The following ADGRV1 variants were observed in gnomAD, a reference collection of about 807,000 sequenced individuals.
ADGRV1 encodes adhesion G protein-coupled receptor V1.
In ADGRV1, 359 loss-of-function variants were observed where a neutral mutation model predicts 596.2. The observed-to-expected ratio is 0.60, with a 90% CI of 0.55 to 0.66. The LOEUF is 0.66. ADGRV1 is among the 30% of genes least tolerant of loss of function. The pLI, the probability that ADGRV1 is intolerant of heterozygous loss-of-function variation, is 0.00. For missense variants in ADGRV1, 7,274 were observed against 7,575.6 expected (o/e 0.96, Z 1.48); for synonymous variants, 2,681 against 2,679.2 (o/e 1.00, Z -0.02).
chr5:90,946,196 A>G (rs1156369195), intron 83 of ADGRV1, among the ~76,000 whole-genome samples: 1 of 152,096 alleles, frequency 6.6e-6, no homozygotes, highest in Non-Finnish European at 1.5e-5. Flanking sequence ...TGGTTTGTTC[A>G]AGAAAATGAA....
At chr5:90,605,931 G>GA (rs35460647) in intron 1 of ADGRV1, among the ~76,000 whole-genome samples, 10,813 of 150,580 alleles carry the variant, frequency 0.072, 452 homozygotes, top group Non-Finnish European at 0.094. Flanking sequence ...AAAGGATGAT[G>GA]AAAAAAAAAG....
intron 79 of ADGRV1, 80 bp from the exon 80 acceptor site, chr5:90,853,203 TA>T: frequency 2.3e-6 from 3 of 1,310,322 alleles, no homozygotes; most frequent in Non-Finnish European, 3.2e-6. Flanking sequence ...AATCCAAGTG[TA>T]ATGCACTTTA....
At position 90,681,291 on chromosome 5, in the gene ADGRV1, A is replaced by G; in HGVS notation, c.5525-24A>G. 1.9e-6 allele frequency: 3 copies of G among 1,571,576 alleles called. No individual in the cohort carries two copies. The South Asian group carries it at 3.6e-5, about 19-fold the overall frequency. On this transcript the variant is annotated intron_variant, in intron 26 of 89. Transcript: ENST00000405460. ...TTACTGATCATCATTTTTTTTTTCTATTTGTTGGAACTTGTTCATGCAGCC... is the reference window on the plus strand; with the variant it reads ...TTACTGATCATCATTTTTTTTTTCTGTTTGTTGGAACTTGTTCATGCAGCC...
At chr5:90,839,305 C>T (rs10077340) in intron 77 of ADGRV1, among the ~76,000 whole-genome samples, 1,927 of 152,230 alleles carry the variant, frequency 0.013, 44 homozygotes, top group African/African-American at 0.044. Context: ...ACGTCTGCCT[C>T]CCGGATTCAA....
intron 9 of ADGRV1, chr5:90,630,165 T>G (rs1055746391): frequency 4.6e-5 from 7 of 152,104 alleles, no homozygotes; most frequent in African/African-American, 1.7e-4. Context: ...ACCTGGCTAA[T>G]TTTTGTGTTT....
In ADGRV1 at chr5:90,795,458, C is replaced by G. The variant is rs567805462; in HGVS notation, c.14517+4112C>G. ...GGTCAGACTGCCAGATTTCTCCTCT[C>G]TGGGCAGGGCATCTCTGAAAAAAAG... On this transcript the variant is annotated intron_variant, in intron 70 of 89. Coordinates refer to ENST00000405460, the MANE Select transcript of ADGRV1 (RefSeq NM_032119.4). 1.8e-4 allele frequency among the ~76,000 whole-genome samples: 28 copies of G among 152,324 alleles called. No homozygotes were observed. In the East Asian group the frequency reaches 5.4e-3, roughly 29 times the overall value.
rs143584912 is a variant in ADGRV1, at chr5:91,041,554, G to A, written c.18153-30893G>A. Among the ~76,000 whole-genome samples, 1,289 of 151,890 alleles carry A rather than the reference G, an allele frequency of 8.5e-3. 24 individuals are homozygous for A. In the East Asian group the frequency reaches 0.085, roughly 10 times the overall value. On this transcript the variant is annotated intron_variant, in intron 85 of 89. Coordinates refer to ENST00000405460, the MANE Select transcript of ADGRV1 (RefSeq NM_032119.4). ...TAATGTAGATGACGGGTTGATGGGT[G>A]CAGTAAACCACCATGGCACATGTAT... is the stretch of plus-strand genomic sequence containing the variant.
chr5:90,615,039 C>T lies in ADGRV1; in HGVS notation c.207+20C>T. On this transcript the variant is annotated intron_variant, in intron 2 of 89. Coordinates refer to ENST00000405460, the MANE Select transcript of ADGRV1 (RefSeq NM_032119.4). ...GTATCGGTAAGAAATTATTATAGCT[C>T]TATTTTTACTGAAATAGATATGACG... 2 of 1,346,270 alleles carry T rather than the reference C, an allele frequency of 1.5e-6. No individual in the cohort carries two copies. The highest frequency in any genetic ancestry group is 2.0e-6 in the Non-Finnish European group (2 of 1,023,594). The allele number at this position is 1,346,270 out of a possible 1,614,324, so 83.4% of individuals were successfully genotyped here.
chr5:90,941,263 AG>A (rs1221409760), intron 83 of ADGRV1, among the ~76,000 whole-genome samples: 1 of 152,244 alleles, frequency 6.6e-6, no homozygotes, highest in African/African-American at 2.4e-5. Context: ...AAATAGAGAC[AG>A]GATATCTTTT....
chr5:90,852,677 GA>G (rs1275872205), intron 79 of ADGRV1, among the ~76,000 whole-genome samples: 1 of 152,340 alleles, frequency 6.6e-6, no homozygotes, highest in East Asian at 1.9e-4. Context: ...CTGAGGTTTA[GA>G]AGCAATTTCA....
rs760181230 is a variant in ADGRV1 at position 90,694,567 on chromosome 5, C to T, written c.7811C>T (p.Thr2604Ile). 3.1e-6 allele frequency: 5 copies of T among 1,613,850 alleles called. No homozygotes were observed. The South Asian group carries it at 5.5e-5, about 18-fold the overall frequency. ...LFVEVQEQPQ[T>I]LVELMIHRTG... is the part of the protein sequence containing the mutation. The stretch of plus-strand genomic sequence containing the variant: ...GTTGAAGTTCAGGAGCAGCCCCAAA[C>T]CTTGGTGGAGCTGATGATACACAGG... Residue 2604 changes from threonine to isoleucine, a missense_variant, in exon 33 of 90, where the codon ACC becomes ATC. Transcript: ENST00000405460.
In ADGRV1 at chr5:90,810,405, G is replaced by C; in HGVS notation, c.15145G>C (p.Ala5049Pro). 6.2e-7 allele frequency: 1 copy of C among 1,613,640 alleles called. No individual in the cohort carries two copies. The highest frequency in any genetic ancestry group is 8.5e-7 in the Non-Finnish European group (1 of 1,179,742). ...KVSYQTTAGS[A>P]KPLEDFEPVQ... The stretch of plus-strand genomic sequence containing the variant: ...TTCTTATCAGACCACTGCAGGAAGC[G>C]CCAAGCCACTGGAAGATTTTGAGCC... The change falls in exon 74 of 90, where the codon GCC becomes CCC. Residue 5049 changes from alanine (A) to proline (P), a missense_variant. Ala to Pro is a conservative substitution (Grantham distance 27). Coordinates refer to ENST00000405460, the MANE Select transcript of ADGRV1 (RefSeq NM_032119.4).
At position 90,681,410 on chromosome 5, in the gene ADGRV1, A is replaced by C. The variant is rs539129992; in HGVS notation, c.5620A>C (p.Ser1874Arg). The change falls in exon 27 of 90, where the codon AGT becomes CGT. Residue 1874 changes from serine (S) to arginine (R), a missense_variant. Transcript: ENST00000405460. ...ATTTAGCCCTGAGTCACTCTTTGTC[A>C]GTGGAACTGAACCAGAAGATGGGTA... ...FEFSPESLFV[S>R]GTEPEDGYST... 2 of 1,613,878 alleles carry C rather than the reference A, an allele frequency of 1.2e-6. No homozygotes were observed. Among genetic ancestry groups the C allele is most frequent in the Non-Finnish European group, 1.7e-6 (2 of 1,179,808 alleles).
At chr5:90,810,132 C>CATTAATGT in intron 73 of ADGRV1, 101 bp from the exon 74 acceptor site, 1 of 928,854 alleles carries the variant, frequency 1.1e-6, no homozygotes, top group African/African-American at 1.7e-5. Context: ...TAAGTTGCTG[C>CATTAATGT]CCTCATGAGC....
chr5:90,694,709 A>T lies in ADGRV1; in HGVS notation c.7945+8A>T. 6.5e-7 allele frequency: 1 copy of T among 1,540,636 alleles called. No individual in the cohort carries two copies. Among genetic ancestry groups the T allele is most frequent in the South Asian group, 1.3e-5 (1 of 77,650 alleles). ...TTCTGACCTTTGCTGAAGGTGAGCA[A>T]TGGTTCTAAATGAATTTCCGTTGCC... On this transcript the variant is annotated splice_region_variant and intron_variant, in intron 33 of 89. Coordinates refer to ENST00000405460, the MANE Select transcript of ADGRV1 (RefSeq NM_032119.4).
In ADGRV1 at chr5:90,968,543, C is replaced by T. The variant is rs536489047; in HGVS notation, c.17973+3012C>T. Among the ~76,000 whole-genome samples, 12 of 152,282 alleles carry T rather than the reference C, an allele frequency of 7.9e-5. No homozygotes were observed. The South Asian group carries it at 2.5e-3, about 32-fold the overall frequency. ...AGTACCAGTGAAGTTTAATGTATTT[C>T]AGATGGTACACCACACATTTTTCAT... On this transcript the variant is annotated intron_variant, in intron 84 of 89. Transcript: ENST00000405460.
In ADGRV1 at chr5:90,627,642, G is replaced by A; in HGVS notation, c.1104G>A (p.Gln368=). ...FHIMLLKDTL[Q]GDAVLISPSV... is the part of the protein sequence containing the mutation. The stretch of plus-strand genomic sequence containing the variant: ...TTATGTTACTAAAAGATACCTTACA[G>A]GGAGATGCTGTGCTAATAAGCCCTT... Residue 368 remains glutamine (Q), a synonymous_variant, in exon 7 of 90, where the codon CAG becomes CAA. Transcript: ENST00000405460. 2 of 1,613,840 alleles carry A rather than the reference G, an allele frequency of 1.2e-6. No individual in the cohort carries two copies. Among genetic ancestry groups the A allele is most frequent in the Non-Finnish European group, 1.7e-6 (2 of 1,179,820 alleles).
At chr5:90,764,837 A>G (rs1756920599) in intron 59 of ADGRV1, among the ~76,000 whole-genome samples, 1 of 151,998 alleles carries the variant, frequency 6.6e-6, no homozygotes, top group Non-Finnish European at 1.5e-5. Flanking sequence ...CCTCCATCTC[A>G]TTTTGGGTCT....
At chr5:91,075,076 T>C (rs952380337) in intron 86 of ADGRV1, among the ~76,000 whole-genome samples, 1 of 152,230 alleles carries the variant, frequency 6.6e-6, no homozygotes, top group Non-Finnish European at 1.5e-5. Context: ...TCATAGGTTC[T>C]GGATATTAGA....
Sources: gnomAD v4.1 joint callset for allele counts (sites outside exome capture counted in the v4.1 genomes callset) on GRCh38, gnomAD v4.1.1 for gene constraint, MANE v1.5 for transcripts, NCBI Gene and HGNC (gene_info 2026-07-23, HGNC 2026-07-21) for gene names.